The following IREB2 variants were observed in gnomAD, a reference collection of about 807,000 sequenced individuals.
The protein encoded by IREB2 is iron responsive element binding protein 2, also known as iron-responsive element-binding protein 2.
IREB2 carries 39 observed loss-of-function variants against 118.8 expected under a neutral mutation model. The observed-to-expected ratio is 0.33, with a 90% CI of 0.25 to 0.43. The LOEUF (loss-of-function observed/expected upper bound fraction) is 0.43, where lower values mean the gene tolerates loss of function less well. IREB2 is among the 20% of genes least tolerant of loss of function. The pLI, the probability that IREB2 is intolerant of heterozygous loss-of-function variation, is 1.00. For missense variants in IREB2, 900 were observed against 1,147.3 expected (o/e 0.78, Z 3.11); for synonymous variants, 372 against 392.2 (o/e 0.95, Z 0.61).
chr15:78,497,921 G>C, intron 21 of IREB2, 112 bp from the exon 22 acceptor site: 1 of 605,758 alleles, frequency 1.7e-6, no homozygotes, highest in Non-Finnish European at 2.9e-6. Flanking sequence ...AGATAAATCA[G>C]ACAGAATCTG....
intron 10 of IREB2, chr15:78,480,225 T>G (rs2051543036): frequency 6.6e-6 from 1 of 152,234 alleles, no homozygotes. Flanking sequence ...TTTGGGCAAA[T>G]CTTTTTACTT....
chr15:78,479,897 G>A (rs2051536712), intron 10 of IREB2, among the ~76,000 whole-genome samples: 2 of 148,936 alleles, frequency 1.3e-5, no homozygotes, highest in South Asian at 4.3e-4. Flanking sequence ...CTCTAGCCTG[G>A]GCAACAGAAT....
chr15:78,438,208 A>G (rs997594275), upstream of IREB2: 12 of 722,804 alleles, frequency 1.7e-5, no homozygotes, highest in Non-Finnish European at 2.7e-5. Context: ...CTCTCGCGAT[A>G]TTTGCGCGAG....
rs1208797165 is a variant in IREB2 at position 78,499,947 on chromosome 15, G to C, written c.*1804G>C. Reference sequence around the variant, plus strand: ...GGCTCACTGCAACCTCCGCCTCCCGGGTTCAGGGGATTCTCCTGCCTCAGC... The same window carrying C: ...GGCTCACTGCAACCTCCGCCTCCCGCGTTCAGGGGATTCTCCTGCCTCAGC... On this transcript the variant is annotated 3_prime_UTR_variant, in exon 22 of 22. Transcript: ENST00000258886. The C allele has an allele frequency of 1.3e-5, 2 of 152,606 alleles. No individual in the cohort carries two copies. Among genetic ancestry groups the C allele is most frequent in the Non-Finnish European group, 2.9e-5 (2 of 68,352 alleles). 9.5% of individuals were successfully genotyped at this position (152,606 alleles called of 1,614,324 possible).
At position 78,498,251 on chromosome 15, in the gene IREB2, ATC is replaced by A. The variant is rs2051874358; in HGVS notation, c.*111_*112del. ...GCAGATAGTCCCAGTATACTCACTT[ATC>A]TCATCCATGGATGTAAATGATGATG... On this transcript the variant is annotated 3_prime_UTR_variant, in exon 22 of 22. Transcript: ENST00000258886. 1 of 606,622 alleles carries A rather than the reference ATC, an allele frequency of 1.6e-6. No homozygotes were observed. Among genetic ancestry groups the A allele is most frequent in the African/African-American group, 1.9e-5 (1 of 53,286 alleles). The allele number at this position is 606,622 out of a possible 1,614,324, so 37.6% of individuals were successfully genotyped here.
At position 78,475,061 on chromosome 15, in the gene IREB2, CAAAAAAAAAAA is replaced by C. The variant is rs67418312; in HGVS notation, c.1024-1112_1024-1102del. 17 of 69,950 alleles carry C rather than the reference CAAAAAAAAAAA, an allele frequency of 2.4e-4. No individual in the cohort carries two copies. The Admixed American group carries it at 2.9e-3, about 12-fold the overall frequency. 4.3% of individuals were successfully genotyped at this position (69,950 alleles called of 1,614,324 possible). ...TGGGCGACAGAGCGAGACTCTGTCT[CAAAAAAAAAAA>C]AAAAAAAAAAAAAACCATAAATGAG... On this transcript the variant is annotated intron_variant, in intron 8 of 21. Transcript: ENST00000258886.
intron 6 of IREB2, among the ~76,000 whole-genome samples, chr15:78,471,467 C>T (rs4886569): frequency 0.97 from 147,936 of 152,324 alleles, 71,996 homozygotes; most frequent in Middle Eastern, 1. Context: ...AGCCTTTCTT[C>T]CTTCTCATTC....
chr15:78,497,469 T>TAATA, intron 21 of IREB2, 158 bp downstream of exon 21: 1 of 618,462 alleles, frequency 1.6e-6, no homozygotes, highest in South Asian at 2.1e-5. Flanking sequence ...CTAGCTATGT[T>TAATA]AATAGTTCAT....
Position 78,466,279 on chromosome 15 carries a change from A to G in IREB2, c.419A>G (p.Gln140Arg), listed in dbSNP as rs1309883585. Residue 140 changes from glutamine to arginine, a missense_variant, in exon 5 of 22, where the codon CAG (glutamine) becomes CGG (arginine). Gln to Arg is a conservative substitution (Grantham distance 43). Coordinates refer to ENST00000258886, the MANE Select transcript of IREB2 (RefSeq NM_004136.4). ...TCTTTTTGGAATGACAGTGCAATAC[A>G]GAATGCACCAAATCCTGGAGGTGGT... is the stretch of plus-strand genomic sequence containing the variant. ...LQIDFSKCAIQNAPNPGGGDL... is the reference protein window; with the variant it reads ...LQIDFSKCAIRNAPNPGGGDL... 1.2e-6 allele frequency: 2 copies of G among 1,610,944 alleles called. No individual in the cohort carries two copies. The highest frequency in any genetic ancestry group is 8.5e-7 in the Non-Finnish European group (1 of 1,177,304).
At chr15:78,437,617 TGGA>T (rs990869738), upstream of IREB2, 1 of 152,644 alleles carries the variant, frequency 6.6e-6, no homozygotes, top group Non-Finnish European at 1.5e-5. Context: ...GCTGGGTAGG[TGGA>T]GAACACAGGG....
intron 2 of IREB2, among the ~76,000 whole-genome samples, chr15:78,457,790 A>G (rs112568909): frequency 4.6e-5 from 7 of 152,278 alleles, no homozygotes; most frequent in African/African-American, 1.7e-4. Context: ...AACAAAAAAT[A>G]TTCCTGAGAT....
In IREB2 at chr15:78,500,503, C is replaced by CT. The variant is rs1284631342; in HGVS notation, c.*2363dup. The CT allele has an allele frequency of 7.6e-6, 1 of 131,168 alleles. No homozygotes were observed. Among genetic ancestry groups the CT allele is most frequent in the Non-Finnish European group, 1.6e-5 (1 of 63,818 alleles). 8.1% of individuals were successfully genotyped at this position (131,168 alleles called of 1,614,324 possible). A position where few individuals can be genotyped will look rare whatever the true frequency, so the allele number is the denominator to read the frequency against. ...TGTTAGTTTTTATTGTCTGTGTCTTCTTTGTTTACTATACCTTGGGTAATT... is the reference window on the plus strand; with the variant it reads ...TGTTAGTTTTTATTGTCTGTGTCTTCTTTTGTTTACTATACCTTGGGTAATT... On this transcript the variant is annotated 3_prime_UTR_variant, in exon 22 of 22. Transcript: ENST00000258886.
intron 12 of IREB2, 47 bp downstream of exon 12, chr15:78,484,967 GT>G: frequency 6.4e-7 from 1 of 1,563,790 alleles, no homozygotes; most frequent in Non-Finnish European, 8.7e-7. Context: ...CTTAATTATT[GT>G]TGGCTTTTCT....
chr15:78,497,675 C>T lies in IREB2; in HGVS notation c.2782-358C>T, dbSNP rs72738749. ...CAAAGTTGAGCGTTCAAAGTTAGAG[C>T]AAAACAGACTTTACAACTAAGAAAA... On this transcript the variant is annotated intron_variant, in intron 21 of 21. Transcript: ENST00000258886. 6.1e-3 allele frequency among the ~76,000 whole-genome samples: 931 copies of T among 152,000 alleles called. 4 individuals carry two copies. Among genetic ancestry groups the T allele is most frequent in the Non-Finnish European group, 0.01 (704 of 67,942 alleles).
intron 14 of IREB2, 61 bp from the exon 15 acceptor site, chr15:78,488,119 T>A: frequency 6.7e-7 from 1 of 1,482,462 alleles, no homozygotes; most frequent in Non-Finnish European, 9.1e-7. Context: ...TATATGATTA[T>A]CCAGATTTGT....
chr15:78,464,437 A>G (rs1229742769), intron 3 of IREB2, among the ~76,000 whole-genome samples: 1 of 152,216 alleles, frequency 6.6e-6, no homozygotes, highest in Non-Finnish European at 1.5e-5. Flanking sequence ...TTTGTACCCT[A>G]TGTATGCTGC....
chr15:78,456,626 A>G (rs1037322939), intron 2 of IREB2, among the ~76,000 whole-genome samples: 10 of 151,986 alleles, frequency 6.6e-5, no homozygotes, highest in Non-Finnish European at 1.5e-4. Flanking sequence ...TGATCGTGCC[A>G]CTGCACTCTA....
intron 9 of IREB2, among the ~76,000 whole-genome samples, chr15:78,477,251 T>G (rs2051487382): frequency 1.3e-5 from 2 of 152,194 alleles, no homozygotes. Flanking sequence ...TATCCTAAAA[T>G]TTAGTGGCTT....
chr15:78,458,929 G>C (rs972255676), intron 2 of IREB2, among the ~76,000 whole-genome samples: 1 of 152,062 alleles, frequency 6.6e-6, no homozygotes, highest in African/African-American at 2.4e-5. Context: ...CTCCCAAGGA[G>C]CTGGAGCCAC....
Sources: gnomAD v4.1 joint callset for allele counts (sites outside exome capture counted in the v4.1 genomes callset) on GRCh38, gnomAD v4.1.1 for gene constraint, MANE v1.5 for transcripts, NCBI Gene and HGNC (gene_info 2026-07-23, HGNC 2026-07-21) for gene names.